The following DSCAM variants were observed in gnomAD, a reference collection of about 807,000 sequenced individuals.
The protein encoded by DSCAM is DS cell adhesion molecule, also known as cell adhesion molecule DSCAM.
A neutral mutation model predicts 217.7 loss-of-function variants in DSCAM; 47 were observed. That is an observed-to-expected ratio of 0.22 (90% confidence interval 0.17 to 0.28). The LOEUF is 0.28. Among genes scored for constraint, DSCAM ranks in the 10% least tolerant of loss-of-function variants. DSCAM has a pLI of 1.00. For synonymous variants in DSCAM, 1,056 were observed against 1,015.3 expected (o/e 1.04, Z -0.76); for missense variants, 2,080 against 2,618.3 (o/e 0.79, Z 4.49).
At chr21:40,565,424 C>T (rs530107208) in intron 3 of DSCAM, among the ~76,000 whole-genome samples, 3 of 152,194 alleles carry the variant, frequency 2.0e-5, no homozygotes, top group Non-Finnish European at 4.4e-5. Flanking sequence ...TGATGCTAAT[C>T]TCAACCAAAG....
At chr21:40,328,192 C>T (rs1478289749) in intron 8 of DSCAM, among the ~76,000 whole-genome samples, 1 of 152,026 alleles carries the variant, frequency 6.6e-6, no homozygotes, top group Non-Finnish European at 1.5e-5. Context: ...CCAAAACAAT[C>T]TTGAGGAAAA....
At chr21:40,021,049 A>C (rs1307011981) in intron 32 of DSCAM, among the ~76,000 whole-genome samples, 2 of 151,534 alleles carry the variant, frequency 1.3e-5, no homozygotes, top group Non-Finnish European at 2.9e-5. Context: ...GGCTGAGATG[A>C]ATAAGGCTGG....
chr21:40,563,346 C>A (rs1034246873), intron 3 of DSCAM, among the ~76,000 whole-genome samples: 1 of 151,452 alleles, frequency 6.6e-6, no homozygotes, highest in Non-Finnish European at 1.5e-5. Context: ...AGAAATACTA[C>A]CTATATTTTG....
At chr21:40,690,932 G>A (rs887829701) in intron 3 of DSCAM, among the ~76,000 whole-genome samples, 2 of 152,166 alleles carry the variant, frequency 1.3e-5, no homozygotes, top group African/African-American at 2.4e-5. Context: ...GGCCTACTTC[G>A]GGGTGGAGGG....
chr21:40,198,484 C>T (rs1273661277), intron 11 of DSCAM, among the ~76,000 whole-genome samples: 1 of 152,174 alleles, frequency 6.6e-6, no homozygotes, highest in African/African-American at 2.4e-5. Flanking sequence ...AGTCAGGCCT[C>T]TCTCAGTCGA....
chr21:40,718,777 A>G (rs2090870696), intron 1 of DSCAM, among the ~76,000 whole-genome samples: 1 of 152,200 alleles, frequency 6.6e-6, no homozygotes, highest in South Asian at 2.1e-4. Flanking sequence ...AAAGATTTGT[A>G]CCCAAAATAC....
At chr21:40,421,650 G>A (rs187605033) in intron 3 of DSCAM, among the ~76,000 whole-genome samples, 12 of 152,328 alleles carry the variant, frequency 7.9e-5, no homozygotes, top group Non-Finnish European at 1.5e-4. Flanking sequence ...CGCCATCAAG[G>A]GGCATATCTT....
chr21:40,771,547 A>G (rs2091445320), intron 1 of DSCAM, among the ~76,000 whole-genome samples: 1 of 152,216 alleles, frequency 6.6e-6, no homozygotes, highest in African/African-American at 2.4e-5. Flanking sequence ...TTCTGCAAAG[A>G]GCACTTGCGT....
At chr21:40,477,789 T>C (rs2075949740) in intron 3 of DSCAM, among the ~76,000 whole-genome samples, 1 of 152,242 alleles carries the variant, frequency 6.6e-6, no homozygotes, top group South Asian at 2.1e-4. Flanking sequence ...TTTTATTCAG[T>C]ATTTTAAAAG....
At chr21:40,388,903 A>G (rs1214630132) in intron 3 of DSCAM, among the ~76,000 whole-genome samples, 1 of 152,216 alleles carries the variant, frequency 6.6e-6, no homozygotes. Context: ...CAGGTAGAAC[A>G]TGCTCATTTC....
At chr21:40,596,480 A>G (rs946083658) in intron 3 of DSCAM, among the ~76,000 whole-genome samples, 1 of 152,220 alleles carries the variant, frequency 6.6e-6, no homozygotes, top group African/African-American at 2.4e-5. Context: ...TCAGTTAGCT[A>G]AAAGAAAAAA....
In DSCAM at chr21:40,413,009, G is replaced by A. The variant is rs528454568; in HGVS notation, c.509-43764C>T. ...TGGCTTCAGAGGGTACAAGCCTCAA[G>A]TCTTGGCAGCTTCCACATGGTGTTG... On this transcript the variant is annotated intron_variant, in intron 3 of 32. Transcript: ENST00000400454. Among the ~76,000 whole-genome samples, 9 of 152,366 alleles carry A rather than the reference G, an allele frequency of 5.9e-5. No individual in the cohort carries two copies. The South Asian group carries it at 1.9e-3, about 32-fold the overall frequency.
intron 18 of DSCAM, among the ~76,000 whole-genome samples, chr21:40,138,539 G>C (rs2090242478): frequency 6.8e-6 from 1 of 147,168 alleles, no homozygotes; most frequent in African/African-American, 2.5e-5. Context: ...GTGTATGTGG[G>C]GTTTGTGTAT....
chr21:40,297,603 G>T (rs913314907), intron 9 of DSCAM, among the ~76,000 whole-genome samples: 1 of 152,204 alleles, frequency 6.6e-6, no homozygotes, highest in Non-Finnish European at 1.5e-5. Context: ...TAGGGCCTAA[G>T]TTAGCAAGGG....
chr21:40,100,782 G>A (rs1199996649), intron 20 of DSCAM, among the ~76,000 whole-genome samples: 1 of 152,138 alleles, frequency 6.6e-6, no homozygotes, highest in East Asian at 1.9e-4. Context: ...AATCTGTGGG[G>A]AAGCAACAGA....
intron 3 of DSCAM, among the ~76,000 whole-genome samples, chr21:40,603,233 T>A (rs2077075646): frequency 6.6e-6 from 1 of 152,156 alleles, no homozygotes; most frequent in African/African-American, 2.4e-5. Flanking sequence ...TTGAGATGTC[T>A]TTTATAGTCC....
chr21:40,361,138 T>C lies in DSCAM; in HGVS notation c.656-7395A>G, dbSNP rs549654000. 1.6e-4 allele frequency among the ~76,000 whole-genome samples: 24 copies of C among 151,200 alleles called. No homozygotes were observed. The East Asian group carries it at 2.5e-3, about 16-fold the overall frequency. Reference sequence around the variant, plus strand: ...CAAAGTCTTCAAACTTTTATATATATATATATATTACAAAAATTATTTTTA... The same window carrying C: ...CAAAGTCTTCAAACTTTTATATATACATATATATTACAAAAATTATTTTTA... On this transcript the variant is annotated intron_variant, in intron 4 of 32. Transcript: ENST00000400454.
intron 10 of DSCAM, among the ~76,000 whole-genome samples, chr21:40,292,066 T>A (rs1601523022): frequency 1.3e-5 from 2 of 152,218 alleles, no homozygotes; most frequent in South Asian, 4.1e-4. Flanking sequence ...CCTGATTTTT[T>A]TTTTTTAAAT....
chr21:40,742,879 T>C (rs968325334), intron 1 of DSCAM, among the ~76,000 whole-genome samples: 2 of 152,168 alleles, frequency 1.3e-5, no homozygotes, highest in Non-Finnish European at 2.9e-5. Context: ...AACATTTTCA[T>C]CATTATTTTT....
Sources: allele counts gnomAD v4.1 joint callset (sites outside exome capture counted in the v4.1 genomes callset), GRCh38; gene constraint gnomAD v4.1.1; transcripts MANE v1.5; gene names NCBI Gene and HGNC (gene_info 2026-07-23, HGNC 2026-07-21).